GLIS3: variants seen among roughly 807,000 people sequenced by gnomAD.
GLIS3 encodes GLIS family zinc finger 3, also known as zinc finger protein GLIS3.
Under a neutral mutation model 78.6 loss-of-function variants are expected in GLIS3, and 53 were observed. The observed-to-expected ratio is 0.67, with a 90% confidence interval of 0.54 to 0.85. The LOEUF is 0.85. GLIS3 is among the 40% of genes least tolerant of loss of function. GLIS3 has a pLI of 0.00. For synonymous variants in GLIS3, 684 were observed against 509.9 expected (o/e 1.34, Z -4.60); for missense variants, 1,703 against 1,231.1 (o/e 1.38, Z -5.74).
chr9:4,010,616 T>C (rs572476003), intron 4 of GLIS3, among the ~76,000 whole-genome samples: 5 of 152,166 alleles, frequency 3.3e-5, no homozygotes, highest in African/African-American at 1.2e-4. Flanking sequence ...TTCCAGACTT[T>C]CCCGTGAAAA....
intron 2 of GLIS3, among the ~76,000 whole-genome samples, chr9:4,187,979 A>G (rs1196931838): frequency 2.6e-5 from 4 of 151,936 alleles, no homozygotes; most frequent in African/African-American, 7.2e-5. Flanking sequence ...CTAACTGAAT[A>G]CCCTTTATTT....
intron 7 of GLIS3, among the ~76,000 whole-genome samples, chr9:3,882,731 C>T (rs924234180): frequency 3.9e-5 from 6 of 152,238 alleles, no homozygotes; most frequent in African/African-American, 9.6e-5. Flanking sequence ...TCCTCTTTTA[C>T]GGCCCCATGA....
At chr9:4,428,779 C>T in the GLIS3 span, among the ~76,000 whole-genome samples, 1 of 152,142 alleles carries the variant, frequency 6.6e-6, no homozygotes, top group Non-Finnish European at 1.5e-5. Context: ...AGACCATCTC[C>T]TCTTGGTTGT....
chr9:4,006,304 CAAAAAAAAAAA>C (rs71497513), intron 4 of GLIS3, among the ~76,000 whole-genome samples: 3 of 32,542 alleles, frequency 9.2e-5, no homozygotes, highest in Admixed American at 3.2e-4. Flanking sequence ...TCATATGTCT[CAAAAAAAAAAA>C]AAAAAAAAAA....
chr9:3,986,298 G>A (rs750157638), intron 4 of GLIS3, among the ~76,000 whole-genome samples: 8 of 151,996 alleles, frequency 5.3e-5, no homozygotes, highest in Admixed American at 6.6e-5. Flanking sequence ...ATAAAGGCAC[G>A]GATACAACTG....
In GLIS3 at chr9:3,893,535, C is replaced by G. The variant is rs114029018; in HGVS notation, c.2128+5156G>C. On this transcript the variant is annotated intron_variant, in intron 7 of 10. Coordinates refer to ENST00000381971, the MANE Select transcript of GLIS3 (RefSeq NM_001042413.2). The stretch of plus-strand genomic sequence containing the variant: ...TGCTGTGGGGTGACAAGCAAAATAT[C>G]CACCTATAGGTTTTATGTAGTGAGA... 9.8e-3 allele frequency among the ~76,000 whole-genome samples: 1,488 copies of G among 152,238 alleles called. 22 individuals are homozygous for G. The highest frequency in any genetic ancestry group is 0.031 in the African/African-American group (1,284 of 41,538).
chr9:3,864,471 T>C (rs1371665715), intron 8 of GLIS3, among the ~76,000 whole-genome samples: 2 of 152,224 alleles, frequency 1.3e-5, no homozygotes, highest in African/African-American at 2.4e-5. Flanking sequence ...ATGCAAACAC[T>C]AGTCTCTTGA....
At chr9:3,932,880 G>C (rs1420256949) in intron 5 of GLIS3, 1 of 337,468 alleles carries the variant, frequency 3.0e-6, no homozygotes, top group Non-Finnish European at 6.0e-6. Context: ...AGAAGCTGTA[G>C]AAAGTCCAGA....
At position 4,117,753 on chromosome 9, in the gene GLIS3, G is replaced by A. The variant is rs778695864; in HGVS notation, c.1710+15C>T. 16 of 1,613,980 alleles carry A rather than the reference G, an allele frequency of 9.9e-6. No homozygotes were observed. Among genetic ancestry groups the A allele is most frequent in the African/African-American group, 1.3e-5 (1 of 74,882 alleles). ...GCCTTCAAGAGAGGTCACCCCTTGC[G>A]CTTCGGAAACTCACCGTACACTTGT... On this transcript the variant is annotated intron_variant, in intron 4 of 10. Coordinates refer to ENST00000381971, the MANE Select transcript of GLIS3 (RefSeq NM_001042413.2).
chr9:4,210,610 T>C (rs181270177), intron 2 of GLIS3, among the ~76,000 whole-genome samples: 5 of 152,318 alleles, frequency 3.3e-5, no homozygotes, highest in South Asian at 2.1e-4. Context: ...AATTCTACAA[T>C]GCAGAAAACT....
chr9:4,062,484 G>C (rs1826732677), intron 4 of GLIS3, among the ~76,000 whole-genome samples: 1 of 152,194 alleles, frequency 6.6e-6, no homozygotes, highest in African/African-American at 2.4e-5. Flanking sequence ...TAAGAGGCTT[G>C]AGGGACTAGT....
At chr9:4,049,850 C>A (rs1159019160) in intron 4 of GLIS3, among the ~76,000 whole-genome samples, 1 of 152,138 alleles carries the variant, frequency 6.6e-6, no homozygotes, top group Non-Finnish European at 1.5e-5. Context: ...TGAAAAAATG[C>A]TCATCATCAC....
chr9:4,387,886 C>A, the GLIS3 span, among the ~76,000 whole-genome samples: 21 of 152,166 alleles, frequency 1.4e-4, no homozygotes, highest in Admixed American at 1.1e-3. Flanking sequence ...TGTTATAGAA[C>A]CTTTCATGAG....
chr9:4,231,195 A>G (rs1822223064), intron 2 of GLIS3, among the ~76,000 whole-genome samples: 1 of 152,228 alleles, frequency 6.6e-6, no homozygotes, highest in Non-Finnish European at 1.5e-5. Context: ...TAGATATAAA[A>G]AACAATTAAG....
intron 4 of GLIS3, among the ~76,000 whole-genome samples, chr9:4,106,879 T>C (rs1830794602): frequency 6.6e-6 from 1 of 152,070 alleles, no homozygotes; most frequent in African/African-American, 2.4e-5. Flanking sequence ...CTTAGAAAGA[T>C]GACGAGCAGC....
chr9:4,067,856 C>A (rs1407323037), intron 4 of GLIS3, among the ~76,000 whole-genome samples: 1 of 151,716 alleles, frequency 6.6e-6, no homozygotes, highest in East Asian at 1.9e-4. Context: ...CAGACTTCTC[C>A]ATAACAATAA....
At chr9:4,389,600 A>G in the GLIS3 span, among the ~76,000 whole-genome samples, 10 of 152,194 alleles carry the variant, frequency 6.6e-5, no homozygotes, top group African/African-American at 2.2e-4. Flanking sequence ...CAAAATAACC[A>G]GCTAAATATA....
intron 4 of GLIS3, among the ~76,000 whole-genome samples, chr9:3,946,701 A>C (rs1006170544): frequency 4.6e-5 from 7 of 151,994 alleles, no homozygotes; most frequent in African/African-American, 1.7e-4. Flanking sequence ...TTTTCCTACC[A>C]CTCCCTTTTC....
At chr9:4,029,770 T>C (rs769377640) in intron 4 of GLIS3, among the ~76,000 whole-genome samples, 83 of 152,238 alleles carry the variant, frequency 5.5e-4, no homozygotes, top group Non-Finnish European at 1.2e-3. Context: ...TCTATGTTGA[T>C]GCAAATGACT....
Sources: allele counts gnomAD v4.1 joint callset (sites outside exome capture counted in the v4.1 genomes callset), GRCh38; gene constraint gnomAD v4.1.1; transcripts MANE v1.5; gene names NCBI Gene and HGNC (gene_info 2026-07-23, HGNC 2026-07-21).